HIPK2: variants seen among roughly 807,000 people sequenced by gnomAD.
The protein encoded by HIPK2 is homeodomain interacting protein kinase 2, also known as homeodomain-interacting protein kinase 2.
HIPK2 carries 27 observed loss-of-function variants against 113.7 expected under a neutral mutation model. That is an observed-to-expected ratio of 0.24 (90% CI 0.17 to 0.33). The LOEUF is 0.33. Ranked by LOEUF, HIPK2 falls within the 10% of genes least tolerant of loss-of-function variation. The pLI is 1.00. For synonymous variants in HIPK2, 631 were observed against 642.2 expected (o/e 0.98, Z 0.26); for missense variants, 1,257 against 1,588.0 (o/e 0.79, Z 3.54).
At chr7:139,685,824 T>C (rs1345809149) in intron 2 of HIPK2, among the ~76,000 whole-genome samples, 1 of 152,264 alleles carries the variant, frequency 6.6e-6, no homozygotes. Flanking sequence ...TGACTGCTCA[T>C]TGACAATGTA....
intron 2 of HIPK2, among the ~76,000 whole-genome samples, chr7:139,642,233 A>G (rs1264575806): frequency 2.0e-5 from 3 of 152,232 alleles, no homozygotes; most frequent in Non-Finnish European, 4.4e-5. Context: ...TTCCACTGCA[A>G]AAATAAGGAG....
rs956563090 is a variant in HIPK2, at chr7:139,631,374, A to C, written c.1228-90T>G. 6 of 1,489,920 alleles carry C rather than the reference A, an allele frequency of 4.0e-6. No homozygotes were observed. Among genetic ancestry groups the C allele is most frequent in the Non-Finnish European group, 5.4e-6 (6 of 1,116,778 alleles). 92.3% of individuals were successfully genotyped at this position (1,489,920 alleles called of 1,614,324 possible). Reference sequence around the variant, plus strand: ...GCTCTGCTGGCTTTGAGAAAAATGAAAATGACAATTTTTGTAGGGAAAGAA... The same window carrying C: ...GCTCTGCTGGCTTTGAGAAAAATGACAATGACAATTTTTGTAGGGAAAGAA... On this transcript the variant is annotated intron_variant, in intron 3 of 14. Transcript: ENST00000406875. This position sits in a 1 kb window ranked among gnomAD's most constrained non-coding sequence, Gnocchi z 4.9.
rs1569467149 is a variant in HIPK2 at position 139,659,747 on chromosome 7, ATTCTCTCTC to A, written c.1104-28031_1104-28023del. Reference sequence around the variant, plus strand: ...CGAACTTCTGGCTGGCTAGAGCTGCATTCTCTCTCTTTTCTGCTCTTTTCTTCCTGACAC... The same window carrying A: ...CGAACTTCTGGCTGGCTAGAGCTGCATTTTCTGCTCTTTTCTTCCTGACAC... On this transcript the variant is annotated intron_variant, in intron 2 of 14. Coordinates refer to ENST00000406875, the MANE Select transcript of HIPK2 (RefSeq NM_022740.5). Among the ~76,000 whole-genome samples the A allele has an allele frequency of 3.0e-3, 258 of 84,762 alleles. 1 individual carries two copies. The highest frequency in any genetic ancestry group is 0.01 in the African/African-American group (240 of 23,610). The allele number at this position is 84,762 out of a possible 152,430, so 55.6% of individuals were successfully genotyped here. A position where few individuals can be genotyped will look rare whatever the true frequency, so the allele number is the denominator to read the frequency against.
intron 2 of HIPK2, among the ~76,000 whole-genome samples, chr7:139,706,237 T>C (rs1332412334): frequency 6.6e-6 from 1 of 152,116 alleles, no homozygotes; most frequent in East Asian, 1.9e-4. Flanking sequence ...TTCACACAGG[T>C]GGAAAGACGA....
chr7:139,600,518 T>G lies in HIPK2; in HGVS notation c.2334A>C (p.Pro778=). 6.2e-7 allele frequency: 1 copy of G among 1,614,050 alleles called. No individual in the cohort carries two copies. The highest frequency in any genetic ancestry group is 8.5e-7 in the Non-Finnish European group (1 of 1,179,904). ...PALLTGHVTL[P]AAQPLNVGVA... Reference sequence around the variant, plus strand: ...CACCCACATTTAAGGGCTGTGCTGCTGGAAGGGTCACATGACCGGTCAATA... The same window carrying G: ...CACCCACATTTAAGGGCTGTGCTGCGGGAAGGGTCACATGACCGGTCAATA... Residue 778 remains proline (P), a synonymous_variant, in exon 11 of 15, where the codon CCA becomes CCC. Coordinates refer to ENST00000406875, the MANE Select transcript of HIPK2 (RefSeq NM_022740.5).
chr7:139,707,346 G>A (rs993883621), intron 2 of HIPK2, among the ~76,000 whole-genome samples: 6 of 152,274 alleles, frequency 3.9e-5, no homozygotes, highest in Non-Finnish European at 5.9e-5. Flanking sequence ...GGCACTGGCC[G>A]TGGGTTTGCT....
At chr7:139,775,646 A>T (rs765417075) in intron 1 of HIPK2, among the ~76,000 whole-genome samples, 2 of 152,194 alleles carry the variant, frequency 1.3e-5, no homozygotes, top group African/African-American at 2.4e-5. Flanking sequence ...AAATAAAAAC[A>T]GTTCATGAGA....
Position 139,573,089 on chromosome 7 carries a change from G to C in HIPK2, c.3435C>G (p.Pro1145=), listed in dbSNP as rs757132320. Residue 1145 remains proline (P), a synonymous_variant, in exon 15 of 15, where the codon CCC becomes CCG. Coordinates refer to ENST00000406875, the MANE Select transcript of HIPK2 (RefSeq NM_022740.5). ...AYPASIVHQV[P]VSMGPRVLPS... Reference sequence around the variant, plus strand: ...GCAGGACCCGGGGGCCCATGCTCACGGGGACCTGGTGGACGATGCTGGCTG... The same window carrying C: ...GCAGGACCCGGGGGCCCATGCTCACCGGGACCTGGTGGACGATGCTGGCTG... 3 of 1,611,868 alleles carry C rather than the reference G, an allele frequency of 1.9e-6. No homozygotes were observed. The highest frequency in any genetic ancestry group is 2.5e-6 in the Non-Finnish European group (3 of 1,179,096).
At chr7:139,606,611 G>C (rs984735884) in intron 9 of HIPK2, among the ~76,000 whole-genome samples, 7 of 152,134 alleles carry the variant, frequency 4.6e-5, no homozygotes, top group Non-Finnish European at 7.4e-5. Context: ...CAGATCCTTG[G>C]TGTACATGCT....
Position 139,630,959 on chromosome 7 carries a change from CA to C in HIPK2, c.1347+205del, listed in dbSNP as rs1800590845. The C allele has an allele frequency of 4.8e-6, 1 of 209,368 alleles. No individual in the cohort carries two copies. Among genetic ancestry groups the C allele is most frequent in the Non-Finnish European group, 8.3e-6 (1 of 120,426 alleles). 13.0% of individuals were successfully genotyped at this position (209,368 alleles called of 1,614,324 possible). On this transcript the variant is annotated intron_variant, in intron 4 of 14. Transcript: ENST00000406875. This position sits in a 1 kb window ranked among gnomAD's most constrained non-coding sequence, Gnocchi z 4.0. ...GATTAAATCCTGGGAGTTCAGCAAT[CA>C]TAAGGTTGGACTCTCACAGGCGGCG...
At chr7:139,597,634 T>A (rs960183123) in intron 11 of HIPK2, among the ~76,000 whole-genome samples, 5 of 152,236 alleles carry the variant, frequency 3.3e-5, no homozygotes, top group Admixed American at 2.0e-4. Context: ...TTAAAAATGA[T>A]TTTTCTGGAT....
At chr7:139,721,942 T>G (rs1307619299) in intron 1 of HIPK2, 1 of 309,300 alleles carries the variant, frequency 3.2e-6, no homozygotes, top group Non-Finnish European at 6.8e-6. Flanking sequence ...GGCCACATTT[T>G]CATTCACTAA....
In HIPK2 at chr7:139,710,749, T is replaced by C. The variant is rs541233864; in HGVS notation, c.1103+5183A>G. ...TCATGTTGAATTGTGATCTCCAACG[T>C]TGGAGGAGGGGCCTGGTGAAAGATG... On this transcript the variant is annotated intron_variant, in intron 2 of 14. Transcript: ENST00000406875. 2.0e-5 allele frequency among the ~76,000 whole-genome samples: 3 copies of C among 152,370 alleles called. 1 individual carries two copies. The highest frequency in any genetic ancestry group is 7.2e-5 in the African/African-American group (3 of 41,586).
intron 1 of HIPK2, among the ~76,000 whole-genome samples, chr7:139,740,086 CT>C (rs1796057226): frequency 6.6e-6 from 1 of 152,096 alleles, no homozygotes; most frequent in Non-Finnish European, 1.5e-5. Flanking sequence ...TATGTTTAAC[CT>C]TTTGAGGACC....
chr7:139,604,068 G>A lies in HIPK2; in HGVS notation c.2255+13C>T, dbSNP rs756172989. On this transcript the variant is annotated intron_variant, in intron 10 of 14. Transcript: ENST00000406875. Reference sequence around the variant, plus strand: ...AGACACACCCACTCACCCTAGAGGGGTTTCCTGCTTACCTCCAGTCCGCCA... The same window carrying A: ...AGACACACCCACTCACCCTAGAGGGATTTCCTGCTTACCTCCAGTCCGCCA... 7 of 1,613,710 alleles carry A rather than the reference G, an allele frequency of 4.3e-6. No homozygotes were observed. The highest frequency in any genetic ancestry group is 3.3e-5 in the Admixed American group (2 of 60,010).
At chr7:139,686,210 T>A (rs925641033) in intron 2 of HIPK2, among the ~76,000 whole-genome samples, 1 of 152,050 alleles carries the variant, frequency 6.6e-6, no homozygotes, top group Non-Finnish European at 1.5e-5. Flanking sequence ...GAGGTAGAAA[T>A]AGGAAGAGAA....
chr7:139,726,280 AG>A (rs1795571791), intron 1 of HIPK2, among the ~76,000 whole-genome samples: 1 of 152,248 alleles, frequency 6.6e-6, no homozygotes, highest in East Asian at 1.9e-4. Context: ...AAGCTGGTCC[AG>A]AGGGGTAAGG....
chr7:139,652,629 GAGAGTGAACAAAAAA>G (rs1406446046), intron 2 of HIPK2, among the ~76,000 whole-genome samples: 1 of 152,210 alleles, frequency 6.6e-6, no homozygotes, highest in Admixed American at 6.5e-5. Context: ...GCACTAATTA[GAGAGTGAACAAAAAA>G]AGACAGTCTC....
rs890509945 is a variant in HIPK2, at chr7:139,630,119, A to T, written c.1347+1046T>A. ...AAAAAAGAAATACCTAAAATGAAAC[A>T]TATTTAAGACTTTATTATTTTCTTT... On this transcript the variant is annotated intron_variant, in intron 4 of 14. Transcript: ENST00000406875. The surrounding 1 kb of genome is among the most constrained non-coding windows in gnomAD (Gnocchi z 4.0). Among the ~76,000 whole-genome samples the T allele has an allele frequency of 6.6e-6, 1 of 152,130 alleles. No individual in the cohort carries two copies. The highest frequency in any genetic ancestry group is 2.4e-5 in the African/African-American group (1 of 41,412).
Sources: allele counts gnomAD v4.1 joint callset (sites outside exome capture counted in the v4.1 genomes callset), GRCh38; gene constraint gnomAD v4.1.1; non-coding constraint Gnocchi (gnomAD v3.1); transcripts MANE v1.5; gene names NCBI Gene and HGNC (gene_info 2026-07-23, HGNC 2026-07-21).